RGS12: variants seen among roughly 807,000 people sequenced by gnomAD.
RGS12 encodes the protein regulator of G-protein signaling 12.
Under a neutral mutation model 120.1 loss-of-function variants are expected in RGS12, and 66 were observed. That is an observed-to-expected ratio of 0.55 (90% CI 0.45 to 0.67). RGS12 has a LOEUF of 0.67. Among genes scored for constraint, RGS12 ranks in the 30% least tolerant of loss-of-function variants. The pLI, the probability that RGS12 is intolerant of heterozygous loss-of-function variation, is 0.00. For missense variants in RGS12, 1,859 were observed against 1,957.7 expected, an observed-to-expected ratio of 0.95 and a Z score of 0.95; for synonymous variants, 827 against 804.7, an observed-to-expected ratio of 1.03 and a Z score of -0.47.
At chr4:3,349,943 A>G (rs951286031) in intron 3 of RGS12, among the ~76,000 whole-genome samples, 13 of 152,228 alleles carry the variant, frequency 8.5e-5, no homozygotes, top group African/African-American at 4.8e-5. Context: ...TTCAGATTAC[A>G]TGACAGTCTA....
intron 4 of RGS12, among the ~76,000 whole-genome samples, chr4:3,399,839 A>G (rs1010915851): frequency 4.6e-5 from 7 of 152,242 alleles, no homozygotes; most frequent in Non-Finnish European, 1.0e-4. Context: ...ACTACATTAC[A>G]TGCCTACTGC....
chr4:3,379,285 C>G (rs962997676), intron 3 of RGS12, among the ~76,000 whole-genome samples: 3 of 152,196 alleles, frequency 2.0e-5, no homozygotes, highest in South Asian at 2.1e-4. Flanking sequence ...ACCTGATGTA[C>G]AGCTTGGTGG....
chr4:3,346,655 C>T (rs1713822610), intron 3 of RGS12, among the ~76,000 whole-genome samples: 1 of 152,224 alleles, frequency 6.6e-6, no homozygotes, highest in Admixed American at 6.5e-5. Context: ...AGCTTGGAAA[C>T]AGTGCACAGG....
In RGS12 at chr4:3,317,309, T is replaced by A. The variant is rs766720138; in HGVS notation, c.1139T>A (p.Leu380His). The change falls in exon 2 of 18, where the codon CTC becomes CAC. Residue 380 changes from leucine (L) to histidine (H), a missense_variant. Physicochemically the swap from Leu to His is moderately conservative, Grantham distance 99. This residue lies in a region of RGS12 where 967 missense variants were observed against 994.2 expected (regional missense o/e 0.97). Coordinates refer to ENST00000336727, the MANE Select transcript of RGS12 (RefSeq NM_001394154.1). Reference sequence around the variant, plus strand: ...TGTCTGGAATTCCCGGCGTCCTCCCTCCCCGTCCTGCAGTTCATCTCTGTC... The same window carrying A: ...TGTCTGGAATTCCCGGCGTCCTCCCACCCCGTCCTGCAGTTCATCTCTGTC... ...NGCLEFPASS[L>H]PVLQFISVLY... The A allele has an allele frequency of 6.2e-7, 1 of 1,614,036 alleles. No individual in the cohort carries two copies. Among genetic ancestry groups the A allele is most frequent in the Non-Finnish European group, 8.5e-7 (1 of 1,180,028 alleles).
chr4:3,392,147 A>G (rs568566029), intron 4 of RGS12, among the ~76,000 whole-genome samples: 49 of 152,288 alleles, frequency 3.2e-4, no homozygotes, highest in African/African-American at 1.2e-3. Flanking sequence ...GGAGAGCTCA[A>G]GGGCTTTTCT....
Position 3,317,579 on chromosome 4 carries a change from C to G in RGS12, c.1409C>G (p.Ala470Gly), listed in dbSNP as rs200806401. ...VGGRGAQPWGAPWTGPFCPDP... is the reference protein window; with the variant it reads ...VGGRGAQPWGGPWTGPFCPDP... ...GGGAGGGGTGCCCAGCCCTGGGGTGCTCCCTGGACTGGGCCCTTCTGTCCG... is the reference window on the plus strand; with the variant it reads ...GGGAGGGGTGCCCAGCCCTGGGGTGGTCCCTGGACTGGGCCCTTCTGTCCG... Residue 470 changes from alanine to glycine, a missense_variant, in exon 2 of 18, where the codon GCT becomes GGT. Transcript: ENST00000336727. 51 of 1,598,904 alleles carry G rather than the reference C, an allele frequency of 3.2e-5. No individual in the cohort carries two copies. The African/African-American group carries it at 6.6e-4, about 21-fold the overall frequency.
At chr4:3,288,431 G>C (rs1722949525), upstream of RGS12, among the ~76,000 whole-genome samples, 1 of 152,150 alleles carries the variant, frequency 6.6e-6, no homozygotes, top group South Asian at 2.1e-4. This position sits in a 1 kb window ranked among gnomAD's most constrained non-coding sequence, Gnocchi z 5.2. Flanking sequence ...TGCAGCTCCT[G>C]AGGCACAGCT....
intron 4 of RGS12, among the ~76,000 whole-genome samples, chr4:3,388,071 A>G (rs147604053): frequency 2.0e-5 from 3 of 152,060 alleles, no homozygotes; most frequent in Non-Finnish European, 4.4e-5. Context: ...GAGGAAGTGT[A>G]TCCTGGCCAC....
intron 1 of RGS12, 29 bp downstream of exon 1, chr4:3,293,128 G>C (rs928258601): frequency 2.0e-5 from 3 of 146,498 alleles, no homozygotes; most frequent in Non-Finnish European, 4.6e-5. Context: ...GGCCGGGGCG[G>C]GGGCAGGGCG....
chr4:3,350,011 G>A (rs1275514834), intron 3 of RGS12, among the ~76,000 whole-genome samples: 5 of 152,042 alleles, frequency 3.3e-5, no homozygotes, highest in Admixed American at 3.3e-4. Flanking sequence ...TTATACCTAG[G>A]TTACTTATGA....
rs552402075 is a variant in RGS12, at chr4:3,437,490, C to T, written c.4115-1965C>T. 8.2e-4 allele frequency among the ~76,000 whole-genome samples: 125 copies of T among 152,330 alleles called. 7 individuals are homozygous for T. In the South Asian group the frequency reaches 0.013, roughly 15 times the overall value. On this transcript the variant is annotated intron_variant, in intron 17 of 17. Transcript: ENST00000336727. Reference sequence around the variant, plus strand: ...CCGGCGAGAGGGGGCAAACCCCTGCCTCTCCCCACACGATATCTCCCAGCC... The same window carrying T: ...CCGGCGAGAGGGGGCAAACCCCTGCTTCTCCCCACACGATATCTCCCAGCC...
In RGS12 at chr4:3,304,506, C is replaced by T. The variant is rs200176478; in HGVS notation, c.-102+11407C>T. On this transcript the variant is annotated intron_variant, in intron 1 of 17. Transcript: ENST00000336727. The stretch of plus-strand genomic sequence containing the variant: ...GCAGCTGGGGCTGCACTGTAGAGCC[C>T]GGACTGCAGTCAGCCAGCCTGGCTT... 7.2e-5 allele frequency among the ~76,000 whole-genome samples: 11 copies of T among 152,294 alleles called. No homozygotes were observed. The East Asian group carries it at 1.9e-3, about 27-fold the overall frequency.
the RGS12 span, among the ~76,000 whole-genome samples, chr4:3,286,853 C>T: frequency 1.3e-5 from 2 of 152,206 alleles, no homozygotes; most frequent in Non-Finnish European, 2.9e-5. Context: ...CTGCTAGGCA[C>T]CGAATGGGAG....
chr4:3,338,167 TCTC>T (rs1459024082), intron 2 of RGS12, among the ~76,000 whole-genome samples: 1 of 152,230 alleles, frequency 6.6e-6, no homozygotes, highest in African/African-American at 2.4e-5. Flanking sequence ...TTCAAGCGAT[TCTC>T]CTGCCTCAGC....
intron 1 of RGS12, among the ~76,000 whole-genome samples, chr4:3,294,162 C>G (rs1723234434): frequency 6.6e-6 from 1 of 152,276 alleles, no homozygotes; most frequent in Non-Finnish European, 1.5e-5. Context: ...GTGTCTTTGT[C>G]TGAAGTCCTC....
At chr4:3,323,745 G>T (rs1316893197) in intron 2 of RGS12, among the ~76,000 whole-genome samples, 1 of 151,954 alleles carries the variant, frequency 6.6e-6, no homozygotes, top group East Asian at 1.9e-4. Flanking sequence ...TTTTCTTTTG[G>T]GTAGGTTCCT....
chr4:3,412,186 C>G (rs1283890980), intron 4 of RGS12, among the ~76,000 whole-genome samples: 1 of 152,262 alleles, frequency 6.6e-6, no homozygotes, highest in Admixed American at 6.5e-5. Context: ...CTTTGAATGA[C>G]TCCTGCCGAG....
intron 2 of RGS12, among the ~76,000 whole-genome samples, chr4:3,331,661 C>G (rs969756161): frequency 5.3e-5 from 8 of 152,164 alleles, no homozygotes; most frequent in African/African-American, 1.9e-4. Context: ...CAGCTCAGGC[C>G]CCATGATGTA....
chr4:3,426,046 G>A, intron 14 of RGS12, among the ~76,000 whole-genome samples: 1 of 21,478 alleles, frequency 4.7e-5, no homozygotes, highest in East Asian at 1.2e-3. Flanking sequence ...GGAGGGGGCT[G>A]TGGAGTTGGC....
Sources: gnomAD v4.1 joint callset for allele counts (sites outside exome capture counted in the v4.1 genomes callset) on GRCh38, gnomAD v4.1.1 for gene constraint, gnomAD v4.1.1 regional missense constraint, Gnocchi (gnomAD v3.1) non-coding constraint, MANE v1.5 for transcripts, NCBI Gene and HGNC (gene_info 2026-07-23, HGNC 2026-07-21) for gene names.